Variants in AFF3 observed in about 807,000 individuals in gnomAD.
AFF3 encodes the protein AF4/FMR2 family member 3.
In AFF3, 32 loss-of-function variants were observed where a neutral mutation model predicts 129.7. The ratio of observed to expected loss-of-function variants is 0.25; its 90% confidence interval spans 0.19 to 0.33. The LOEUF (loss-of-function observed/expected upper bound fraction) is 0.33. Ranked by LOEUF, AFF3 falls within the 10% of genes least tolerant of loss-of-function variation. AFF3 has a pLI of 1.00. For synonymous variants in AFF3, 644 were observed against 635.4 expected (o/e 1.01, Z -0.20); for missense variants, 1,373 against 1,592.0 (o/e 0.86, Z 2.34).
chr2:99,783,268 TGA>T (rs1684536585), intron 8 of AFF3, among the ~76,000 whole-genome samples: 1 of 152,214 alleles, frequency 6.6e-6, no homozygotes, highest in Admixed American at 6.5e-5. Context: ...CCTCCAAACT[TGA>T]GGGGTTCCAA....
intron 8 of AFF3, among the ~76,000 whole-genome samples, chr2:99,811,625 A>C (rs747199699): frequency 1.1e-4 from 17 of 152,250 alleles, no homozygotes; most frequent in Non-Finnish European, 1.9e-4. Flanking sequence ...TAAAGTGCAT[A>C]AAGTATGCCC....
At chr2:99,631,826 T>C (rs1290028183) in intron 13 of AFF3, among the ~76,000 whole-genome samples, 2 of 152,150 alleles carry the variant, frequency 1.3e-5, no homozygotes, top group Admixed American at 6.5e-5. Flanking sequence ...TGTCCAGACA[T>C]CTGTTCAAGT....
intron 11 of AFF3, among the ~76,000 whole-genome samples, chr2:99,678,518 G>A (rs1674215208): frequency 6.6e-6 from 1 of 152,186 alleles, no homozygotes; most frequent in Admixed American, 6.5e-5. Context: ...CCCTGAATTA[G>A]TTGTCATTTG....
intron 8 of AFF3, among the ~76,000 whole-genome samples, chr2:99,836,497 A>G (rs1688884563): frequency 6.6e-6 from 1 of 152,170 alleles, no homozygotes; most frequent in African/African-American, 2.4e-5. Flanking sequence ...TATGAATTCA[A>G]CAAATCACAT....
intron 7 of AFF3, among the ~76,000 whole-genome samples, chr2:99,860,594 G>A (rs1195469680): frequency 1.3e-5 from 2 of 151,936 alleles, no homozygotes; most frequent in Non-Finnish European, 2.9e-5. Context: ...CAGGCGTGGT[G>A]GTGTGCGCCT....
chr2:99,968,010 C>T (rs1170811974), intron 7 of AFF3, among the ~76,000 whole-genome samples: 1 of 152,174 alleles, frequency 6.6e-6, no homozygotes, highest in African/African-American at 2.4e-5. Context: ...AAGAACAAAG[C>T]CCCAAAACAT....
chr2:100,003,317 T>C (rs1301511503), intron 7 of AFF3, among the ~76,000 whole-genome samples: 1 of 152,118 alleles, frequency 6.6e-6, no homozygotes, highest in Non-Finnish European at 1.5e-5. Flanking sequence ...TTAATTTGCG[T>C]GTGTGTGTGA....
At chr2:99,761,503 C>G (rs114765546) in intron 8 of AFF3, among the ~76,000 whole-genome samples, 116 of 152,308 alleles carry the variant, frequency 7.6e-4, no homozygotes, top group African/African-American at 2.7e-3. Context: ...TCTTCTGATG[C>G]CAGCTGCCTC....
chr2:99,546,549 G>A lies in AFF3; in HGVS notation c.*4925C>T. 2 of 232,990 alleles carry A rather than the reference G, an allele frequency of 8.6e-6. No homozygotes were observed. The highest frequency in any genetic ancestry group is 6.0e-5 in the East Asian group (1 of 16,548). The allele number at this position is 232,990 out of a possible 1,614,324, so 14.4% of individuals were successfully genotyped here. ...GGACATGGGCTGGATCAGGTGAAGG[G>A]ATGGTTTTGCTTTTGTTGCTGTTTC... is the stretch of plus-strand genomic sequence containing the variant. On this transcript the variant is annotated 3_prime_UTR_variant, in exon 25 of 25. Transcript: ENST00000672756.
chr2:99,560,490 T>C (rs944819082), intron 20 of AFF3, 54 bp from the exon 21 acceptor site: 21 of 1,520,536 alleles, frequency 1.4e-5, no homozygotes, highest in African/African-American at 1.1e-4. Flanking sequence ...AGCAAAGAAA[T>C]AGTAAAACTA....
At chr2:99,654,956 T>C (rs112444624) in intron 12 of AFF3, among the ~76,000 whole-genome samples, 2,276 of 152,228 alleles carry the variant, frequency 0.015, 29 homozygotes, top group Non-Finnish European at 0.025. Flanking sequence ...CTTATTGTAA[T>C]TGGGTCAAGC....
intron 8 of AFF3, among the ~76,000 whole-genome samples, chr2:99,777,947 C>CAAAAAAAAAACAAAAAAA (rs1684052044): frequency 2.1e-5 from 1 of 48,340 alleles, no homozygotes. Context: ...AAAGCAAAAG[C>CAAAAAAAAAACAAAAAAA]AAAAAAAAAA....
At chr2:99,637,436 T>C (rs1683769292) in intron 13 of AFF3, among the ~76,000 whole-genome samples, 1 of 152,212 alleles carries the variant, frequency 6.6e-6, no homozygotes, top group African/African-American at 2.4e-5. Context: ...TTTGAATCTT[T>C]TTTTCTCCCT....
intron 8 of AFF3, among the ~76,000 whole-genome samples, chr2:99,804,508 TGTATGGAAAACA>T (rs954237288): frequency 6.6e-6 from 1 of 152,170 alleles, no homozygotes; most frequent in African/African-American, 2.4e-5. Context: ...TAGTACCACC[TGTATGGAAAACA>T]GTATGGTGAT....
chr2:99,993,778 TACAA>T (rs1489639222), intron 7 of AFF3, among the ~76,000 whole-genome samples: 1 of 146,824 alleles, frequency 6.8e-6, no homozygotes, highest in Non-Finnish European at 1.5e-5. Context: ...AAGTAATGTG[TACAA>T]ACACTTTATC....
At chr2:99,753,910 T>C (rs958362750) in intron 8 of AFF3, among the ~76,000 whole-genome samples, 3 of 152,184 alleles carry the variant, frequency 2.0e-5, no homozygotes, top group Non-Finnish European at 4.4e-5. Flanking sequence ...GCTGGTGCCT[T>C]GGTCTCCCTT....
intron 11 of AFF3, among the ~76,000 whole-genome samples, chr2:99,712,146 T>C (rs1186844324): frequency 6.6e-6 from 1 of 152,270 alleles, no homozygotes; most frequent in East Asian, 1.9e-4. Flanking sequence ...TGCCTACTTG[T>C]TGAACCTATG....
At chr2:99,687,653 A>G (rs1432049246) in intron 11 of AFF3, among the ~76,000 whole-genome samples, 1 of 152,214 alleles carries the variant, frequency 6.6e-6, no homozygotes, top group Non-Finnish European at 1.5e-5. Context: ...TGGGGCTTAG[A>G]GGGAGAATCA....
chr2:99,608,631 G>GCTCAGCTT (rs1680610495), intron 13 of AFF3, among the ~76,000 whole-genome samples: 1 of 152,182 alleles, frequency 6.6e-6, no homozygotes, highest in Non-Finnish European at 1.5e-5. Flanking sequence ...CAGCTCCCCA[G>GCTCAGCTT]CCGAGGGGAA....
Sources: gnomAD v4.1 joint callset for allele counts (sites outside exome capture counted in the v4.1 genomes callset) on GRCh38, gnomAD v4.1.1 for gene constraint, MANE v1.5 for transcripts, NCBI Gene and HGNC (gene_info 2026-07-23, HGNC 2026-07-21) for gene names.